OCM: variants seen among roughly 807,000 people sequenced by gnomAD.
OCM encodes oncomodulin-1.
A neutral mutation model predicts 14.1 loss-of-function variants in OCM; 18 were observed. The observed-to-expected ratio is 1.28, with a 90% CI of 0.88 to 1.89. The LOEUF (loss-of-function observed/expected upper bound fraction) is 1.89. Among genes scored for constraint, OCM ranks in the 40% most tolerant of loss-of-function variants. The pLI, the probability that OCM is intolerant of heterozygous loss-of-function variation, is 0.00. For synonymous variants in OCM, 48 were observed against 51.0 expected (o/e 0.94, Z 0.25); for missense variants, 140 against 137.6 (o/e 1.02, Z -0.09).
chr7:5,863,686 C>T, the OCM span, among the ~76,000 whole-genome samples: 1 of 152,066 alleles, frequency 6.6e-6, no homozygotes, highest in Non-Finnish European at 1.5e-5. Flanking sequence ...GTGCGCACCA[C>T]CACGCCCAGC....
rs1562532032 is a variant in OCM, at chr7:5,886,208, CCTT to C, written c.*122_*124del. 1 of 1,292,724 alleles carries C rather than the reference CCTT, an allele frequency of 7.7e-7. No homozygotes were observed. Among genetic ancestry groups the C allele is most frequent in the Non-Finnish European group, 1.1e-6 (1 of 916,090 alleles). 80.1% of individuals were successfully genotyped at this position (1,292,724 alleles called of 1,614,324 possible). ...CTAATTTGTTAATTTTCCCTGAAAA[CCTT>C]CTGCAGTTTGCTCATTGTTTTAGTG... is the stretch of plus-strand genomic sequence containing the variant. On this transcript the variant is annotated 3_prime_UTR_variant, in exon 4 of 4. Transcript: ENST00000242104.
upstream of OCM, among the ~76,000 whole-genome samples, chr7:5,877,547 G>T (rs1316032074): frequency 6.6e-6 from 1 of 151,094 alleles, no homozygotes; most frequent in Non-Finnish European, 1.5e-5. Flanking sequence ...GGCCAGGCCC[G>T]GCTGCTCACA....
upstream of OCM, among the ~76,000 whole-genome samples, chr7:5,876,935 A>G (rs1781107872): frequency 6.6e-6 from 1 of 151,508 alleles, no homozygotes; most frequent in South Asian, 2.1e-4. Flanking sequence ...CCTCTCAAGT[A>G]GCCGAGATTA....
upstream of OCM, among the ~76,000 whole-genome samples, chr7:5,878,733 T>C (rs1349273133): frequency 6.6e-6 from 1 of 150,616 alleles, no homozygotes; most frequent in African/African-American, 2.4e-5. Context: ...GGCGACAGAA[T>C]TGAGACTCCA....
chr7:5,873,721 A>G, the OCM span, among the ~76,000 whole-genome samples: 6,106 of 152,060 alleles, frequency 0.04, 284 homozygotes, highest in African/African-American at 0.11. Flanking sequence ...AGGCCACCAC[A>G]GTTGTTTCCA....
upstream of OCM, among the ~76,000 whole-genome samples, chr7:5,876,296 A>G (rs1244994115): frequency 6.6e-6 from 1 of 151,860 alleles, no homozygotes; most frequent in African/African-American, 2.4e-5. Context: ...GCGCCACTGG[A>G]CCCGGCAGGG....
the OCM span, among the ~76,000 whole-genome samples, chr7:5,866,973 T>C: frequency 1.3e-5 from 2 of 152,188 alleles, no homozygotes; most frequent in Non-Finnish European, 2.9e-5. Context: ...TTACAATATG[T>C]GGTGGATATT....
the OCM span, among the ~76,000 whole-genome samples, chr7:5,863,507 C>T: frequency 3.3e-5 from 5 of 149,590 alleles, no homozygotes; most frequent in African/African-American, 1.2e-4. Flanking sequence ...GAGGGGCTGG[C>T]TTTAGATAGG....
chr7:5,866,412 G>A, the OCM span, among the ~76,000 whole-genome samples: 1 of 114,926 alleles, frequency 8.7e-6, no homozygotes, highest in Non-Finnish European at 1.8e-5. Context: ...AAGGAAGGGG[G>A]GGAGAGAAGG....
chr7:5,881,004 C>T, intron 1 of OCM, 54 bp downstream of exon 1: 7 of 1,558,872 alleles, frequency 4.5e-6, no homozygotes, highest in South Asian at 3.3e-5. Context: ...GCACCTCCAG[C>T]GAGTCAACAC....
At position 5,883,979 on chromosome 7, in the gene OCM, A is replaced by G. The variant is rs1217450210; in HGVS notation, c.284A>G (p.Asp95Gly). Residue 95 changes from aspartate to glycine, a missense_variant, in exon 3 of 4, where the codon GAT becomes GGT. Physicochemically the swap from Asp to Gly is moderately conservative, Grantham distance 94. Coordinates refer to ENST00000242104, the MANE Select transcript of OCM (RefSeq NM_001097622.2). Reference sequence around the variant, plus strand: ...ATGGCTGCGGCGGATAATGATGGAGATGGGAAAATTGGAGCAGAGGGTATG... The same window carrying G: ...ATGGCTGCGGCGGATAATGATGGAGGTGGGAAAATTGGAGCAGAGGGTATG... ...SLMAAADNDG[D>G]GKIGAEEFQE... is the part of the protein sequence containing the mutation. 6.2e-7 allele frequency: 1 copy of G among 1,612,982 alleles called. No homozygotes were observed. The highest frequency in any genetic ancestry group is 2.2e-5 in the East Asian group (1 of 44,852).
rs561307123 is a variant in OCM at position 5,885,544 on chromosome 7, A to C, written c.305-520A>C. ...TTGTTAAATAAGATTATTCAGAGAA[A>C]TGGAACCCTGTGAACTTCCTCGAGA... On this transcript the variant is annotated intron_variant, in intron 3 of 3. Transcript: ENST00000242104. Among the ~76,000 whole-genome samples the C allele has an allele frequency of 3.3e-5, 5 of 152,062 alleles. No individual in the cohort carries two copies. The South Asian group carries it at 1.0e-3, about 32-fold the overall frequency.
the OCM span, among the ~76,000 whole-genome samples, chr7:5,863,823 T>C: frequency 1.5e-3 from 221 of 152,204 alleles, 2 homozygotes; most frequent in Non-Finnish European, 2.3e-3. Context: ...TGAGCCACTG[T>C]ACCCGGCCTG....
At chr7:5,869,147 G>A in the OCM span, among the ~76,000 whole-genome samples, 3 of 152,286 alleles carry the variant, frequency 2.0e-5, no homozygotes, top group African/African-American at 7.2e-5. Context: ...TTGGTATTCT[G>A]AATACAGTAC....
At chr7:5,882,058 G>GCC (rs1781225947) in intron 1 of OCM, among the ~76,000 whole-genome samples, 1 of 118,508 alleles carries the variant, frequency 8.4e-6, no homozygotes, top group Non-Finnish European at 1.6e-5. Flanking sequence ...CTGCACTCCA[G>GCC]CCTGGTGACA....
At chr7:5,870,470 A>C in the OCM span, among the ~76,000 whole-genome samples, 2 of 152,144 alleles carry the variant, frequency 1.3e-5, no homozygotes, top group Non-Finnish European at 2.9e-5. Flanking sequence ...GGGCCAGAAC[A>C]AGTCCTTATT....
At chr7:5,873,942 G>A in the OCM span, among the ~76,000 whole-genome samples, 2 of 151,636 alleles carry the variant, frequency 1.3e-5, no homozygotes, top group Non-Finnish European at 2.9e-5. Flanking sequence ...CAGGCTGGGC[G>A]CGGTGGCTCA....
chr7:5,860,183 C>T, the OCM span, among the ~76,000 whole-genome samples: 2 of 151,846 alleles, frequency 1.3e-5, no homozygotes. Context: ...TTAATTAACT[C>T]ACTTAAGTCT....
At chr7:5,870,591 C>A in the OCM span, among the ~76,000 whole-genome samples, 1 of 152,198 alleles carries the variant, frequency 6.6e-6, no homozygotes, top group Admixed American at 6.5e-5. Context: ...CATCTGAAGG[C>A]TGGTACATTC....
Sources: gnomAD v4.1 joint callset for allele counts (sites outside exome capture counted in the v4.1 genomes callset) on GRCh38, gnomAD v4.1.1 for gene constraint, MANE v1.5 for transcripts, NCBI Gene and HGNC (gene_info 2026-07-23, HGNC 2026-07-21) for gene names.